Variants in SLC36A1 observed in about 807,000 individuals in gnomAD.
The protein encoded by SLC36A1 is solute carrier family 36 member 1, also known as proton-coupled amino acid transporter 1.
In SLC36A1, 30 loss-of-function variants were observed where a neutral mutation model predicts 47.5. The ratio of observed to expected loss-of-function variants is 0.63; its 90% CI spans 0.47 to 0.86. SLC36A1 has a LOEUF of 0.86. Ranked by LOEUF, SLC36A1 falls within the 40% of genes least tolerant of loss-of-function variation. The pLI, the probability that SLC36A1 is intolerant of heterozygous loss-of-function variation, is 0.00. For synonymous variants in SLC36A1, 255 were observed against 249.7 expected (o/e 1.02, Z -0.20); for missense variants, 517 against 606.0 (o/e 0.85, Z 1.54).
In SLC36A1 at chr5:151,465,158, A is replaced by G. The variant is rs199603816; in HGVS notation, c.408A>G (p.Ala136=). ...SSPCSWLRNH[A]HWGRRVVDFF... ...CCTGCTCCTGGCTCCGGAACCACGCACACTGGGGAAGGTAACTGATTTCCT... is the reference window on the plus strand; with the variant it reads ...CCTGCTCCTGGCTCCGGAACCACGCGCACTGGGGAAGGTAACTGATTTCCT... The change falls in exon 5 of 11, where the codon GCA becomes GCG. Residue 136 remains alanine, a synonymous_variant. Transcript: ENST00000243389. 4.3e-6 allele frequency: 7 copies of G among 1,613,680 alleles called. No individual in the cohort carries two copies. The highest frequency in any genetic ancestry group is 3.3e-5 in the Admixed American group (2 of 60,008).
At chr5:151,533,393 A>AACACACACAC in the SLC36A1 span, among the ~76,000 whole-genome samples, 54 of 132,176 alleles carry the variant, frequency 4.1e-4, no homozygotes, top group Middle Eastern at 3.8e-3. Flanking sequence ...TGTTATCTCC[A>AACACACACAC]ACACACACAC....
chr5:151,439,258 A>T (rs1752483290), intron 1 of SLC36A1, among the ~76,000 whole-genome samples: 1 of 152,142 alleles, frequency 6.6e-6, no homozygotes. Flanking sequence ...CCCTTGACAC[A>T]TGGGGATTAC....
At chr5:151,465,754 G>A (rs1756261177) in intron 5 of SLC36A1, among the ~76,000 whole-genome samples, 2 of 152,182 alleles carry the variant, frequency 1.3e-5, no homozygotes, top group South Asian at 2.1e-4. Context: ...AAACGCACAT[G>A]AGAGATAGGA....
At chr5:151,525,687 A>G in the SLC36A1 span, 2 of 1,517,864 alleles carry the variant, frequency 1.3e-6, no homozygotes, top group Non-Finnish European at 1.8e-6. Flanking sequence ...TTTTTCCCTA[A>G]TGACAGAAGC....
chr5:151,347,579 T>C, the SLC36A1 span: 5 of 1,339,296 alleles, frequency 3.7e-6, no homozygotes, highest in Admixed American at 1.8e-5. Context: ...CCGGGCTGGC[T>C]CTGGCCAAGC....
chr5:151,458,906 C>G lies in SLC36A1; in HGVS notation c.114C>G (p.Tyr38Ter). The G allele has an allele frequency of 6.2e-7, 1 of 1,613,646 alleles. No homozygotes were observed. Among genetic ancestry groups the G allele is most frequent in the East Asian group, 2.2e-5 (1 of 44,882 alleles). Reference sequence around the variant, plus strand: ...ACAACCTCTCCTCCCCGGGCTCCTACCAGCGCTTTGGTCAAAGCAATAGCA... The same window carrying G: ...ACAACCTCTCCTCCCCGGGCTCCTAGCAGCGCTTTGGTCAAAGCAATAGCA... The part of the protein sequence containing the change: ...GLNNLSSPGS[Y>*]QRFGQSNSTT... Residue 38 changes from tyrosine to a stop codon, truncating the protein, a stop_gained, in exon 2 of 11, where the codon TAC becomes TAG. Transcript: ENST00000243389. LOFTEE classifies it high-confidence loss of function.
At chr5:151,389,922 C>A in the SLC36A1 span, among the ~76,000 whole-genome samples, 2 of 152,060 alleles carry the variant, frequency 1.3e-5, no homozygotes, top group South Asian at 4.1e-4. Flanking sequence ...GGGTATTATA[C>A]CCAGTAATGG....
At chr5:151,499,050 A>G in the SLC36A1 span, among the ~76,000 whole-genome samples, 2 of 152,226 alleles carry the variant, frequency 1.3e-5, no homozygotes, top group African/African-American at 4.8e-5. Context: ...TTTGGTTACT[A>G]AATTCAGTGT....
chr5:151,427,975 G>A, the SLC36A1 span, among the ~76,000 whole-genome samples: 1 of 152,154 alleles, frequency 6.6e-6, no homozygotes, highest in African/African-American at 2.4e-5. Context: ...AGAGGCCACT[G>A]CAGCAGCAGC....
the SLC36A1 span, among the ~76,000 whole-genome samples, chr5:151,519,899 T>G: frequency 4.6e-5 from 7 of 152,186 alleles, no homozygotes; most frequent in Non-Finnish European, 7.3e-5. Context: ...AATTAAAACC[T>G]CTGGAGGTGA....
the SLC36A1 span, among the ~76,000 whole-genome samples, chr5:151,390,923 G>GT: frequency 2.6e-5 from 4 of 152,212 alleles, no homozygotes; most frequent in Non-Finnish European, 5.9e-5. Context: ...CTTTAAAGTC[G>GT]TTTTTTTCCA....
At chr5:151,369,682 A>G in the SLC36A1 span, among the ~76,000 whole-genome samples, 1 of 152,198 alleles carries the variant, frequency 6.6e-6, no homozygotes, top group African/African-American at 2.4e-5. Context: ...GGGTCTCGCT[A>G]TATTGCCCAG....
the SLC36A1 span, among the ~76,000 whole-genome samples, chr5:151,405,159 A>G: frequency 6.6e-6 from 1 of 152,076 alleles, no homozygotes; most frequent in African/African-American, 2.4e-5. Flanking sequence ...TTATTCTTTC[A>G]GCTTGGTCTA....
At chr5:151,453,063 T>C (rs1299291079) in intron 1 of SLC36A1, among the ~76,000 whole-genome samples, 4 of 147,296 alleles carry the variant, frequency 2.7e-5, no homozygotes, top group African/African-American at 1.0e-4. Flanking sequence ...AATTAGCCAG[T>C]TGTGGTGGCG....
At chr5:151,462,688 A>G (rs1436636730) in intron 2 of SLC36A1, among the ~76,000 whole-genome samples, 1 of 150,996 alleles carries the variant, frequency 6.6e-6, no homozygotes, top group Non-Finnish European at 1.5e-5. Context: ...TTTAAATACT[A>G]AATGTATCAG....
chr5:151,518,348 C>CTAATAATAATAATAATAATAATAA, the SLC36A1 span, among the ~76,000 whole-genome samples: 205 of 101,478 alleles, frequency 2.0e-3, 2 homozygotes, highest in African/African-American at 5.8e-3. Context: ...GACCATGTCT[C>CTAATAATAATAATAATAATAATAA]TAATAATAAT....
At chr5:151,533,393 A>ACACACAC in the SLC36A1 span, among the ~76,000 whole-genome samples, 1 of 132,114 alleles carries the variant, frequency 7.6e-6, no homozygotes, top group Non-Finnish European at 1.6e-5. Flanking sequence ...TGTTATCTCC[A>ACACACAC]ACACACACAC....
chr5:151,405,263 TG>T, the SLC36A1 span, among the ~76,000 whole-genome samples: 1 of 152,172 alleles, frequency 6.6e-6, no homozygotes, highest in South Asian at 2.1e-4. Context: ...ATGGCTATGT[TG>T]TCTTTCAACT....
the SLC36A1 span, among the ~76,000 whole-genome samples, chr5:151,346,588 C>T: frequency 1.1e-3 from 172 of 152,310 alleles, 1 homozygote; most frequent in Admixed American, 2.9e-3. Context: ...CTTCTTAAAG[C>T]AGCAGAACCT....
Sources: allele counts gnomAD v4.1 joint callset (sites outside exome capture counted in the v4.1 genomes callset), GRCh38; gene constraint gnomAD v4.1.1; transcripts MANE v1.5; gene names NCBI Gene and HGNC (gene_info 2026-07-23, HGNC 2026-07-21).